Variants in PGLYRP2 observed in about 807,000 individuals in gnomAD.
The protein encoded by PGLYRP2 is N-acetylmuramoyl-L-alanine amidase.
Under a neutral mutation model 46.2 loss-of-function variants are expected in PGLYRP2, and 38 were observed. The ratio of observed to expected loss-of-function variants is 0.82; its 90% confidence interval spans 0.64 to 1.08. The LOEUF is 1.08. PGLYRP2 is among the 50% of genes least tolerant of loss of function. The probability of loss-of-function intolerance (pLI) is 0.00; values close to 1 mark genes in which losing one functional copy is unlikely to be tolerated. For synonymous variants in PGLYRP2, 289 were observed against 329.4 expected, an observed-to-expected ratio of 0.88 and a Z score of 1.33; for missense variants, 713 against 755.9, an observed-to-expected ratio of 0.94 and a Z score of 0.67.
intron 2 of PGLYRP2, among the ~76,000 whole-genome samples, chr19:15,473,664 G>A (rs28799057): frequency 0.025 from 3,758 of 151,730 alleles, 159 homozygotes; most frequent in African/African-American, 0.087. Flanking sequence ...GTAGACAAAT[G>A]GGACTTAATT....
intron 1 of PGLYRP2, among the ~76,000 whole-genome samples, chr19:15,476,834 ACAGAGG>A (rs1970802500): frequency 6.6e-6 from 1 of 152,166 alleles, no homozygotes; most frequent in Non-Finnish European, 1.5e-5. Flanking sequence ...TATGAGCAGG[ACAGAGG>A]TGTGACGAAC....
In PGLYRP2 at chr19:15,469,116, G is replaced by T. The variant is rs547780907; in HGVS notation, c.1642-364C>A. 2 of 535,316 alleles carry T rather than the reference G, an allele frequency of 3.7e-6. No individual in the cohort carries two copies. The highest frequency in any genetic ancestry group is 6.6e-6 in the Non-Finnish European group (2 of 301,884). 33.2% of individuals were successfully genotyped at this position (535,316 alleles called of 1,614,324 possible). A position where few individuals can be genotyped will look rare whatever the true frequency, so the allele number is the denominator to read the frequency against. On this transcript the variant is annotated intron_variant, in intron 4 of 4. Transcript: ENST00000340880. The surrounding 1 kb of genome is among the most constrained non-coding windows in gnomAD (Gnocchi z 4.9). ...GTTGAGATTGTCTGGACAGAGAATT[G>T]CAACACAGGATTAAGGACTGGACAG...
Position 15,469,838 on chromosome 19 carries a change from C to T in PGLYRP2, c.1435G>A (p.Gly479Ser). 2.6e-6 allele frequency: 4 copies of T among 1,530,842 alleles called. No homozygotes were observed. The East Asian group carries it at 1.0e-4, about 40-fold the overall frequency. The allele number at this position is 1,530,842 out of a possible 1,614,324, so 94.8% of individuals were successfully genotyped here. The change falls in exon 4 of 5, where the codon GGC (glycine) becomes AGC (serine). Residue 479 changes from glycine (G) to serine (S), a missense_variant. Gly to Ser is a moderately conservative substitution (Grantham distance 56). Coordinates refer to ENST00000340880, the MANE Select transcript of PGLYRP2 (RefSeq NM_052890.4). This position sits in a 1 kb window ranked among gnomAD's most constrained non-coding sequence, Gnocchi z 4.9. ...HTLGHNSRGF[G>S]VAIVGNYTAA... ...GTGTAGTTGCCCACTATGGCCACGC[C>T]GAAGCCCCGGGAGTTGTGGCCGAGC...
At chr19:15,477,197 A>G (rs765307991) in intron 1 of PGLYRP2, among the ~76,000 whole-genome samples, 7 of 152,046 alleles carry the variant, frequency 4.6e-5, no homozygotes, top group Admixed American at 1.3e-4. Context: ...GTTCAAGGCC[A>G]GCCTGGCCAA....
intron 3 of PGLYRP2, 107 bp from the exon 4 acceptor site, chr19:15,470,036 A>C: frequency 8.3e-7 from 1 of 1,207,908 alleles, no homozygotes. Flanking sequence ...ACCGACCCCA[A>C]GACCCGCGCG....
chr19:15,468,783 G>A (rs373974220), intron 4 of PGLYRP2, 31 bp from the exon 5 acceptor site: 18 of 1,575,970 alleles, frequency 1.1e-5, no homozygotes, highest in African/African-American at 9.5e-5. Flanking sequence ...GTGAGGCTTG[G>A]GGGTGGTTGT....
At chr19:15,472,161 C>T (rs1970756735) in intron 2 of PGLYRP2, 61 bp from the exon 3 acceptor site, 2 of 1,355,280 alleles carry the variant, frequency 1.5e-6, no homozygotes, top group South Asian at 1.3e-5. Flanking sequence ...TTCCTCCACC[C>T]GCATTAAAGC....
Position 15,471,965 on chromosome 19 carries a change from G to T in PGLYRP2, c.1268C>A (p.Thr423Lys). Reference protein sequence around the residue: ...YVPAPPCTDFTRCAANMRSMQ... With the variant: ...YVPAPPCTDFKRCAANMRSMQ... ...GGAGCGCATGTTGGCTGCGCAGCGC[G>T]TGAAGTCCGTGCAGGGTGGTGCAGG... The change falls in exon 3 of 5, where the codon ACG becomes AAG. Residue 423 changes from threonine (T) to lysine (K), a missense_variant. By Grantham distance (78) the Thr-to-Lys change is moderately conservative. Transcript: ENST00000340880. 6.2e-7 allele frequency: 1 copy of T among 1,614,076 alleles called. No homozygotes were observed. Among genetic ancestry groups the T allele is most frequent in the South Asian group, 1.1e-5 (1 of 91,092 alleles).
rs375239066 is a variant in PGLYRP2, at chr19:15,469,514, T to G, written c.1641+118A>C. The G allele has an allele frequency of 5.1e-6, 7 of 1,382,872 alleles. No homozygotes were observed. Among genetic ancestry groups the G allele is most frequent in the African/African-American group, 1.4e-5 (1 of 69,810 alleles). 85.7% of individuals were successfully genotyped at this position (1,382,872 alleles called of 1,614,324 possible). A position where few individuals can be genotyped will look rare whatever the true frequency, so the allele number is the denominator to read the frequency against. On this transcript the variant is annotated intron_variant, in intron 4 of 4. Transcript: ENST00000340880. The surrounding 1 kb of genome is among the most constrained non-coding windows in gnomAD (Gnocchi z 4.9). ...CCTGAATAGACGTGCCGCCGGGAAG[T>G]TGGGGGCCTGGCTGAGGCTGTGCGG...
In PGLYRP2 at chr19:15,475,712, G is replaced by T. The variant is rs373319363; in HGVS notation, c.958C>A (p.Arg320=). 6.2e-7 allele frequency: 1 copy of T among 1,614,054 alleles called. No individual in the cohort carries two copies. The highest frequency in any genetic ancestry group is 1.1e-5 in the South Asian group (1 of 91,080). Residue 320 remains arginine (R), a synonymous_variant, in exon 2 of 5, where the codon CGG becomes AGG. Coordinates refer to ENST00000340880, the MANE Select transcript of PGLYRP2 (RefSeq NM_052890.4). ...RDPGFRSNFR[R]QNGAALTSAS... ...GAAGTCAGAGCAGCACCGTTCTGCC[G>T]TCGGAAGTTGCTGCGGAACCCTGGG...
intron 3 of PGLYRP2, among the ~76,000 whole-genome samples, chr19:15,470,259 T>TCCTCCCTC (rs1176662380): frequency 2.5e-5 from 3 of 118,630 alleles, no homozygotes; most frequent in Non-Finnish European, 5.2e-5. Flanking sequence ...CTTCCTTCCT[T>TCCTCCCTC]CCTTCCTTCC....
In PGLYRP2 at chr19:15,469,601, G is replaced by A. The variant is rs377086233; in HGVS notation, c.1641+31C>T. On this transcript the variant is annotated intron_variant, in intron 4 of 4. Transcript: ENST00000340880. This position sits in a 1 kb window ranked among gnomAD's most constrained non-coding sequence, Gnocchi z 4.9. ...GAGCTTGTGTAGACGGAGGGGCGGC[G>A]GGCCGTGTAGTGCAGGCTGCGAAGA... The A allele has an allele frequency of 3.2e-6, 5 of 1,566,226 alleles. No individual in the cohort carries two copies. The African/African-American group carries it at 4.1e-5, about 13-fold the overall frequency.
Position 15,469,823 on chromosome 19 carries a change from C to G in PGLYRP2, c.1450G>C (p.Gly484Arg). The G allele has an allele frequency of 6.5e-7, 1 of 1,527,554 alleles. No individual in the cohort carries two copies. The allele number at this position is 1,527,554 out of a possible 1,614,324, so 94.6% of individuals were successfully genotyped here. A position where few individuals can be genotyped will look rare whatever the true frequency, so the allele number is the denominator to read the frequency against. Reference protein sequence around the residue: ...NSRGFGVAIVGNYTAALPTEA... With the variant: ...NSRGFGVAIVRNYTAALPTEA... ...GTGGGCAGCGCCGCGGTGTAGTTGC[C>G]CACTATGGCCACGCCGAAGCCCCGG... The change falls in exon 4 of 5, where the codon GGC becomes CGC. Residue 484 changes from glycine to arginine, a missense_variant. Physicochemically the swap from Gly to Arg is moderately radical, Grantham distance 125 (BLOSUM62 -2). Transcript: ENST00000340880. This position sits in a 1 kb window ranked among gnomAD's most constrained non-coding sequence, Gnocchi z 4.9.
intron 2 of PGLYRP2, 125 bp downstream of exon 2, chr19:15,475,413 A>G: frequency 1.1e-6 from 1 of 894,526 alleles, no homozygotes; most frequent in Admixed American, 2.5e-5. Flanking sequence ...TGTCCCACCC[A>G]CCCCCGACCA....
Position 15,473,320 on chromosome 19 carries a change from A to C in PGLYRP2, c.1133-1220T>G, listed in dbSNP as rs1010924045. On this transcript the variant is annotated intron_variant, in intron 2 of 4. Coordinates refer to ENST00000340880, the MANE Select transcript of PGLYRP2 (RefSeq NM_052890.4). ...CCCCGTCTCTACTAAAAATACAAAA[A>C]TTAGCCGGGCATGGTGGTAGGTACC... is the stretch of plus-strand genomic sequence containing the variant. Among the ~76,000 whole-genome samples, 5 of 151,740 alleles carry C rather than the reference A, an allele frequency of 3.3e-5. No individual in the cohort carries two copies. In the Admixed American group the frequency reaches 3.3e-4, roughly 10 times the overall value.
intron 1 of PGLYRP2, among the ~76,000 whole-genome samples, chr19:15,477,657 C>A (rs1052654712): frequency 6.6e-6 from 1 of 151,374 alleles, no homozygotes; most frequent in Non-Finnish European, 1.5e-5. Flanking sequence ...AAGAACCCCC[C>A]ACTGCATTCC....
At chr19:15,475,036 C>A (rs1040071791) in intron 2 of PGLYRP2, among the ~76,000 whole-genome samples, 3 of 151,314 alleles carry the variant, frequency 2.0e-5, no homozygotes, top group Non-Finnish European at 2.9e-5. Context: ...GAACTGGAGG[C>A]CATTATCTCA....
At position 15,479,440 on chromosome 19, in the gene PGLYRP2, A is replaced by G. The variant is rs780454864; in HGVS notation, c.-69T>C. 6.9e-7 allele frequency: 1 copy of G among 1,459,666 alleles called. No individual in the cohort carries two copies. Among genetic ancestry groups the G allele is most frequent in the Non-Finnish European group, 9.5e-7 (1 of 1,053,394 alleles). 90.4% of individuals were successfully genotyped at this position (1,459,666 alleles called of 1,614,324 possible). A position where few individuals can be genotyped will look rare whatever the true frequency, so the allele number is the denominator to read the frequency against. ...CGGCAGAGAACCTCGGCAGTGCTGGAGGGAGACAGGCACAGAGAACTGAGC... is the reference window on the plus strand; with the variant it reads ...CGGCAGAGAACCTCGGCAGTGCTGGGGGGAGACAGGCACAGAGAACTGAGC... On this transcript the variant is annotated 5_prime_UTR_variant, in exon 1 of 5. Transcript: ENST00000340880.
At chr19:15,472,976 G>A (rs1249671757) in intron 2 of PGLYRP2, among the ~76,000 whole-genome samples, 1 of 152,034 alleles carries the variant, frequency 6.6e-6, no homozygotes, top group Non-Finnish European at 1.5e-5. Flanking sequence ...TACAAAAATA[G>A]ACACATAGAC....
Sources: gnomAD v4.1 joint callset for allele counts (sites outside exome capture counted in the v4.1 genomes callset) on GRCh38, gnomAD v4.1.1 for gene constraint, Gnocchi (gnomAD v3.1) non-coding constraint, MANE v1.5 for transcripts, NCBI Gene and HGNC (gene_info 2026-07-23, HGNC 2026-07-21) for gene names.